Variants in NTM observed in about 807,000 individuals in gnomAD.
NTM encodes the protein neurotrimin, also known as IgLON family member 2.
In NTM, 13 loss-of-function variants were observed where a neutral mutation model predicts 42.1. The observed-to-expected ratio is 0.31, with a 90% CI of 0.20 to 0.49. The LOEUF (loss-of-function observed/expected upper bound fraction) is 0.49, where lower values mean the gene tolerates loss of function less well. Ranked by LOEUF, NTM falls within the 20% of genes least tolerant of loss-of-function variation. The probability of loss-of-function intolerance (pLI) is 0.99; values close to 1 mark genes in which losing one functional copy is unlikely to be tolerated. For synonymous variants in NTM, 187 were observed against 179.2 expected (o/e 1.04, Z -0.35); for missense variants, 373 against 452.8 (o/e 0.82, Z 1.60).
intron 1 of NTM, among the ~76,000 whole-genome samples, chr11:131,403,462 CTT>C (rs145492659): frequency 0.017 from 2,600 of 152,284 alleles, 83 homozygotes; most frequent in African/African-American, 0.06. Context: ...CACCTATCCA[CTT>C]TCTCTGATCC....
At position 132,066,577 on chromosome 11, in the gene NTM, A is replaced by G. The variant is rs114361029; in HGVS notation, c.168-79705A>G. Among the ~76,000 whole-genome samples, 675 of 152,298 alleles carry G rather than the reference A, an allele frequency of 4.4e-3. 7 individuals carry two copies. The highest frequency in any genetic ancestry group is 0.015 in the African/African-American group (631 of 41,560). ...ACTCAACTTCACTGGCCCCACATCA[A>G]GACATTGGCAGAGCCGCAGGAGCGT... On this transcript the variant is annotated intron_variant, in intron 2 of 8. Coordinates refer to ENST00000683400, the MANE Select transcript of NTM (RefSeq NM_001352005.2).
chr11:132,312,956 G>A (rs1030436116), intron 6 of NTM, among the ~76,000 whole-genome samples: 6 of 152,174 alleles, frequency 3.9e-5, no homozygotes, highest in African/African-American at 1.2e-4. Flanking sequence ...TGGAGAGGAA[G>A]GCTCCCAGAG....
chr11:131,674,818 C>T (rs900698292), intron 1 of NTM, among the ~76,000 whole-genome samples: 1 of 152,204 alleles, frequency 6.6e-6, no homozygotes, highest in Non-Finnish European at 1.5e-5. Context: ...GGCACCTAAA[C>T]TCATTGCAGC....
chr11:131,954,369 T>C (rs11222850), intron 2 of NTM, among the ~76,000 whole-genome samples: 66,425 of 152,010 alleles, frequency 0.44, 14,966 homozygotes, highest in African/African-American at 0.53. Context: ...ATCACAGCAG[T>C]GAGGCTGCAG....
chr11:131,633,612 A>T (rs1482129939), intron 1 of NTM, among the ~76,000 whole-genome samples: 2,556 of 20,872 alleles, frequency 0.12, no homozygotes, highest in Non-Finnish European at 0.14. Context: ...TCCCTCTCTC[A>T]CTCTCTCCCT....
intron 1 of NTM, among the ~76,000 whole-genome samples, chr11:131,527,316 A>G (rs1036022899): frequency 6.6e-6 from 1 of 152,158 alleles, no homozygotes; most frequent in African/African-American, 2.4e-5. Context: ...GCTGGATTTT[A>G]TATTCTGGAC....
intron 1 of NTM, among the ~76,000 whole-genome samples, chr11:131,455,727 A>C (rs1950831379): frequency 6.6e-6 from 1 of 152,296 alleles, no homozygotes. Context: ...AAAGCAGCTC[A>C]AGGCTGGTGG....
chr11:131,812,658 A>G (rs2092787698), intron 1 of NTM, among the ~76,000 whole-genome samples: 2 of 152,248 alleles, frequency 1.3e-5, no homozygotes, highest in Admixed American at 1.3e-4. Flanking sequence ...AGGGGAGTGC[A>G]TGGGACAAAG....
intron 4 of NTM, among the ~76,000 whole-genome samples, chr11:132,217,481 A>G (rs1396623905): frequency 6.6e-6 from 1 of 151,482 alleles, no homozygotes; most frequent in Non-Finnish European, 1.5e-5. Context: ...CTCCTGATAT[A>G]TGAATTGAGG....
chr11:131,384,071 A>G (rs1454532771), intron 1 of NTM, among the ~76,000 whole-genome samples: 1 of 152,226 alleles, frequency 6.6e-6, no homozygotes, highest in Non-Finnish European at 1.5e-5. Flanking sequence ...GGTGGGTTTT[A>G]GAGAGATAGT....
At chr11:132,324,400 C>A (rs1171293) in intron 7 of NTM, among the ~76,000 whole-genome samples, 39,167 of 146,642 alleles carry the variant, frequency 0.27, 6,618 homozygotes, top group Non-Finnish European at 0.39. Flanking sequence ...ACAGCCAAAT[C>A]ATGAGTGAAC....
chr11:131,382,390 T>C (rs1331430920), intron 1 of NTM, among the ~76,000 whole-genome samples: 1 of 152,168 alleles, frequency 6.6e-6, no homozygotes, highest in Non-Finnish European at 1.5e-5. Context: ...TAATTGAGTA[T>C]AGGTAATTTC....
chr11:132,309,980 C>CA, intron 5 of NTM, 132 bp from the exon 6 acceptor site: 1 of 1,106,796 alleles, frequency 9.0e-7, no homozygotes, highest in African/African-American at 1.7e-5. Flanking sequence ...TGCTTGAACC[C>CA]GGGAGGCAGA....
chr11:131,633,289 C>T (rs563370219), intron 1 of NTM, among the ~76,000 whole-genome samples: 202 of 152,234 alleles, frequency 1.3e-3, no homozygotes, highest in African/African-American at 4.3e-3. Context: ...TTTTCCCTTC[C>T]TTTTTCACAT....
At chr11:131,949,453 A>G (rs182342727) in intron 2 of NTM, among the ~76,000 whole-genome samples, 1 of 152,208 alleles carries the variant, frequency 6.6e-6, no homozygotes, top group South Asian at 2.1e-4. Context: ...ACACTGACCT[A>G]GACTCTAATC....
chr11:132,333,521 C>G (rs1249061654), intron 8 of NTM, among the ~76,000 whole-genome samples: 1 of 152,184 alleles, frequency 6.6e-6, no homozygotes, highest in Non-Finnish European at 1.5e-5. Flanking sequence ...TCCTAAATGA[C>G]AAGCATTTCT....
chr11:131,470,399 G>C (rs1169656847), intron 1 of NTM, among the ~76,000 whole-genome samples: 1 of 152,196 alleles, frequency 6.6e-6, no homozygotes, highest in Admixed American at 6.5e-5. Context: ...AAAGCATTCT[G>C]GCTGTATTTC....
chr11:131,803,591 T>A (rs1384115648), intron 1 of NTM, among the ~76,000 whole-genome samples: 4 of 152,200 alleles, frequency 2.6e-5, no homozygotes, highest in Non-Finnish European at 5.9e-5. Context: ...ATTACAGGTG[T>A]AAGCCACTGC....
chr11:132,069,266 G>A (rs1414834252), intron 2 of NTM, among the ~76,000 whole-genome samples: 1 of 148,730 alleles, frequency 6.7e-6, no homozygotes, highest in Non-Finnish European at 1.5e-5. Flanking sequence ...GACCATCACA[G>A]ATTAGTTAAC....
Sources: allele counts gnomAD v4.1 joint callset (sites outside exome capture counted in the v4.1 genomes callset), GRCh38; gene constraint gnomAD v4.1.1; transcripts MANE v1.5; gene names NCBI Gene and HGNC (gene_info 2026-07-23, HGNC 2026-07-21).